The following TMEM132C variants were observed in gnomAD, a reference collection of about 807,000 sequenced individuals.
The protein encoded by TMEM132C is transmembrane protein 132C.
TMEM132C carries 29 observed loss-of-function variants against 61.4 expected under a neutral mutation model. The ratio of observed to expected loss-of-function variants is 0.47; its 90% CI spans 0.35 to 0.64. The LOEUF (loss-of-function observed/expected upper bound fraction) is 0.64. Ranked by LOEUF, TMEM132C falls within the 30% of genes least tolerant of loss-of-function variation. TMEM132C has a pLI of 0.00. For synonymous variants in TMEM132C, 656 were observed against 633.1 expected, an observed-to-expected ratio of 1.04 and a Z score of -0.54; for missense variants, 1,408 against 1,476.9, an observed-to-expected ratio of 0.95 and a Z score of 0.76.
intron 2 of TMEM132C, among the ~76,000 whole-genome samples, chr12:128,493,774 A>G (rs893564778): frequency 6.6e-6 from 1 of 152,194 alleles, no homozygotes; most frequent in Non-Finnish European, 1.5e-5. Flanking sequence ...TTTTCTAGGT[A>G]TACAATCATG....
intron 3 of TMEM132C, among the ~76,000 whole-genome samples, chr12:128,609,084 C>T (rs1165644646): frequency 6.6e-6 from 1 of 151,982 alleles, no homozygotes; most frequent in Non-Finnish European, 1.5e-5. Context: ...TCTCAGCTCA[C>T]TGCAACACTG....
intron 1 of TMEM132C, among the ~76,000 whole-genome samples, chr12:128,357,367 T>C (rs1384746722): frequency 6.6e-6 from 1 of 152,046 alleles, no homozygotes; most frequent in Non-Finnish European, 1.5e-5. Context: ...TACCCACAAG[T>C]GGCTTCTGTT....
intron 4 of TMEM132C, among the ~76,000 whole-genome samples, chr12:128,649,401 T>C (rs374940444): frequency 1.3e-5 from 2 of 152,198 alleles, no homozygotes; most frequent in East Asian, 3.8e-4. Flanking sequence ...TTTGCACTCG[T>C]ATTTTATTGG....
intron 2 of TMEM132C, among the ~76,000 whole-genome samples, chr12:128,523,616 T>G (rs1293186436): frequency 6.6e-6 from 1 of 152,074 alleles, no homozygotes; most frequent in Non-Finnish European, 1.5e-5. Context: ...CAGCATAGAC[T>G]CACAACCTCC....
At chr12:128,376,466 T>G (rs550129511) in intron 1 of TMEM132C, among the ~76,000 whole-genome samples, 3 of 152,210 alleles carry the variant, frequency 2.0e-5, no homozygotes, top group Non-Finnish European at 4.4e-5. Context: ...ACTTTAGATA[T>G]CAAGAGAATC....
chr12:128,289,483 T>C (rs887899784), intron 1 of TMEM132C, among the ~76,000 whole-genome samples: 1 of 152,212 alleles, frequency 6.6e-6, no homozygotes, highest in Admixed American at 6.5e-5. Flanking sequence ...ATGGTAACTT[T>C]ACAGTTTTCT....
chr12:128,356,012 T>C (rs1461688613), intron 1 of TMEM132C, among the ~76,000 whole-genome samples: 7 of 152,352 alleles, frequency 4.6e-5, no homozygotes, highest in Non-Finnish European at 1.0e-4. Flanking sequence ...CTTGTCATTG[T>C]TGATCTCTGC....
chr12:128,328,651 G>A (rs1872592689), intron 1 of TMEM132C, among the ~76,000 whole-genome samples: 1 of 152,002 alleles, frequency 6.6e-6, no homozygotes, highest in Non-Finnish European at 1.5e-5. Flanking sequence ...GCTGAGTGTG[G>A]TGGCAGGCAC....
At chr12:128,461,225 A>T (rs1870522780) in intron 2 of TMEM132C, among the ~76,000 whole-genome samples, 1 of 152,138 alleles carries the variant, frequency 6.6e-6, no homozygotes, top group African/African-American at 2.4e-5. Flanking sequence ...ACATGTTCTG[A>T]TTCTCTTGCA....
At chr12:128,289,711 A>G (rs1378832827) in intron 1 of TMEM132C, among the ~76,000 whole-genome samples, 2 of 152,214 alleles carry the variant, frequency 1.3e-5, no homozygotes, top group Admixed American at 6.5e-5. Context: ...TTTTTGGCCT[A>G]TATTGGTATC....
chr12:128,489,774 A>G (rs865796651), intron 2 of TMEM132C, among the ~76,000 whole-genome samples: 70 of 152,212 alleles, frequency 4.6e-4, no homozygotes, highest in African/African-American at 1.4e-3. Context: ...ACTCATGTCT[A>G]TATATGTATG....
At chr12:128,478,027 A>G (rs1361431829) in intron 2 of TMEM132C, among the ~76,000 whole-genome samples, 2 of 152,236 alleles carry the variant, frequency 1.3e-5, no homozygotes, top group African/African-American at 4.8e-5. Flanking sequence ...CTAGGACTTC[A>G]AGCCATTCCA....
intron 3 of TMEM132C, among the ~76,000 whole-genome samples, chr12:128,602,467 G>T (rs1876231672): frequency 6.6e-6 from 1 of 152,222 alleles, no homozygotes; most frequent in African/African-American, 2.4e-5. Flanking sequence ...ATTGACCCAG[G>T]AGGGCAAGCT....
intron 4 of TMEM132C, among the ~76,000 whole-genome samples, chr12:128,637,099 T>G (rs1954109967): frequency 6.6e-6 from 1 of 152,244 alleles, no homozygotes; most frequent in Non-Finnish European, 1.5e-5. Flanking sequence ...ACATACTGAT[T>G]TGATTTCCTT....
intron 1 of TMEM132C, among the ~76,000 whole-genome samples, chr12:128,347,595 AT>A (rs928539154): frequency 1.3e-5 from 2 of 152,068 alleles, no homozygotes; most frequent in Non-Finnish European, 2.9e-5. Context: ...AACATGGCTA[AT>A]TTTGTATTTT....
intron 3 of TMEM132C, among the ~76,000 whole-genome samples, chr12:128,549,281 A>G (rs1257489059): frequency 6.6e-6 from 1 of 152,086 alleles, no homozygotes; most frequent in African/African-American, 2.4e-5. Context: ...TGTCCTGTCC[A>G]TTAACATCCC....
chr12:128,693,950 C>T lies in TMEM132C; in HGVS notation c.1571C>T (p.Pro524Leu). 1 of 1,551,734 alleles carries T rather than the reference C, an allele frequency of 6.4e-7. No homozygotes were observed. The change falls in exon 6 of 9, where the codon CCC becomes CTC. Residue 524 changes from proline to leucine, a missense_variant. Transcript: ENST00000435159. ...CCCCTGTGTGTCACCGTGTGGGTGCCCCGGCTGCCCCTGCAGATCGAGGTC... is the reference window on the plus strand; with the variant it reads ...CCCCTGTGTGTCACCGTGTGGGTGCTCCGGCTGCCCCTGCAGATCGAGGTC... ...SAPLCVTVWV[P>L]RLPLQIEVSD... is the part of the protein sequence containing the mutation.
intron 4 of TMEM132C, among the ~76,000 whole-genome samples, chr12:128,653,896 C>T (rs572070321): frequency 2.6e-5 from 4 of 152,256 alleles, no homozygotes; most frequent in Admixed American, 2.6e-4. Context: ...GCTTGGCTGT[C>T]CGGAGGCCAG....
At position 128,267,258 on chromosome 12, in the gene TMEM132C, G is replaced by A. The variant is rs1566035758; in HGVS notation, c.-145G>A. 3.1e-6 allele frequency: 1 copy of A among 320,046 alleles called. No individual in the cohort carries two copies. Among genetic ancestry groups the A allele is most frequent in the Non-Finnish European group, 4.5e-6 (1 of 223,438 alleles). 19.8% of individuals were successfully genotyped at this position (320,046 alleles called of 1,614,324 possible). A position where few individuals can be genotyped will look rare whatever the true frequency, so the allele number is the denominator to read the frequency against. ...AGCTGCGGCGGCGTGGACCCGGCAGGGGCGGGCCTCGGACAGCAGAGACGC... is the reference window on the plus strand; with the variant it reads ...AGCTGCGGCGGCGTGGACCCGGCAGAGGCGGGCCTCGGACAGCAGAGACGC... On this transcript the variant is annotated 5_prime_UTR_variant, in exon 1 of 9. Transcript: ENST00000435159.
Sources: allele counts gnomAD v4.1 joint callset (sites outside exome capture counted in the v4.1 genomes callset), GRCh38; gene constraint gnomAD v4.1.1; transcripts MANE v1.5; gene names NCBI Gene and HGNC (gene_info 2026-07-23, HGNC 2026-07-21).